KALRN: variants seen among roughly 807,000 people sequenced by gnomAD.
KALRN encodes the protein kalirin.
In KALRN, 70 loss-of-function variants were observed where a neutral mutation model predicts 353.7. The ratio of observed to expected loss-of-function variants is 0.20; its 90% CI spans 0.16 to 0.24. KALRN has a LOEUF of 0.24. KALRN is among the 10% of genes least tolerant of loss of function. The pLI is 1.00. For missense variants in KALRN, 2,791 were observed against 3,756.7 expected (o/e 0.74, Z 6.72); for synonymous variants, 1,391 against 1,434.8 (o/e 0.97, Z 0.69).
chr3:124,682,337 T>G (rs2061378536), intron 51 of KALRN, among the ~76,000 whole-genome samples: 1 of 152,178 alleles, frequency 6.6e-6, no homozygotes, highest in South Asian at 2.1e-4. Context: ...GGGCGTTGTC[T>G]CTCTGGGAAT....
chr3:124,473,689 AAC>A (rs1208383116), intron 25 of KALRN, among the ~76,000 whole-genome samples: 18 of 152,208 alleles, frequency 1.2e-4, no homozygotes, highest in Admixed American at 3.9e-4. Flanking sequence ...TGCTTGTATA[AAC>A]AGTGTCACAG....
At chr3:124,135,303 A>G (rs758724128) in intron 1 of KALRN, among the ~76,000 whole-genome samples, 7 of 152,190 alleles carry the variant, frequency 4.6e-5, no homozygotes, top group Non-Finnish European at 1.0e-4. Flanking sequence ...GTGTGTTCTC[A>G]CTGATATGTG....
intron 3 of KALRN, among the ~76,000 whole-genome samples, chr3:124,254,495 C>G (rs1358610753): frequency 6.8e-6 from 1 of 147,710 alleles, no homozygotes; most frequent in Admixed American, 6.7e-5. Flanking sequence ...AAACAAGATT[C>G]AAATCCTGAT....
rs2063330655 is a variant in KALRN at position 124,720,372 on chromosome 3, C to T, written c.*902C>T. The T allele has an allele frequency of 6.6e-6, 1 of 152,546 alleles. No homozygotes were observed. Among genetic ancestry groups the T allele is most frequent in the Non-Finnish European group, 1.5e-5 (1 of 68,002 alleles). The allele number at this position is 152,546 out of a possible 1,614,324, so 9.4% of individuals were successfully genotyped here. A position where few individuals can be genotyped will look rare whatever the true frequency, so the allele number is the denominator to read the frequency against. On this transcript the variant is annotated 3_prime_UTR_variant, in exon 60 of 60. Transcript: ENST00000682506. ...CTACACCAGGTTTGAAATAAGTAAA[C>T]AAATACAAGAGGTTCATATAAAAGG...
intron 6 of KALRN, among the ~76,000 whole-genome samples, chr3:124,306,978 C>T (rs963879248): frequency 2.0e-5 from 3 of 152,122 alleles, no homozygotes; most frequent in African/African-American, 2.4e-5. Flanking sequence ...CTAGCAGATA[C>T]ACCTTATAAG....
chr3:124,581,490 G>C (rs1033728169), intron 34 of KALRN, among the ~76,000 whole-genome samples: 3 of 152,076 alleles, frequency 2.0e-5, no homozygotes, highest in African/African-American at 7.2e-5. Context: ...TCTAAAGTAA[G>C]AGTTGGGTCT....
intron 13 of KALRN, among the ~76,000 whole-genome samples, chr3:124,408,009 G>A (rs1372401632): frequency 6.6e-6 from 1 of 152,030 alleles, no homozygotes; most frequent in African/African-American, 2.4e-5. Flanking sequence ...TCCTGACCTC[G>A]TGATCCGCCC....
chr3:124,219,870 C>T (rs1264104806), intron 1 of KALRN, among the ~76,000 whole-genome samples: 1 of 145,598 alleles, frequency 6.9e-6, no homozygotes, highest in Non-Finnish European at 1.5e-5. Flanking sequence ...GCTGCCCAGC[C>T]TCTCTCTCTC....
At chr3:124,592,019 G>C (rs1254767819) in intron 34 of KALRN, among the ~76,000 whole-genome samples, 2 of 152,184 alleles carry the variant, frequency 1.3e-5, no homozygotes, top group Non-Finnish European at 2.9e-5. Context: ...ACTGGCAAGA[G>C]TCTGGGCATA....
chr3:124,563,615 T>A (rs2109892450), intron 34 of KALRN, among the ~76,000 whole-genome samples: 1 of 152,354 alleles, frequency 6.6e-6, no homozygotes, highest in East Asian at 1.9e-4. Context: ...CTCCTTTATG[T>A]GCCTTCAACA....
intron 11 of KALRN, among the ~76,000 whole-genome samples, chr3:124,386,097 T>A (rs989036695): frequency 2.0e-5 from 3 of 152,212 alleles, no homozygotes; most frequent in South Asian, 2.1e-4. Flanking sequence ...GAGAAAAACA[T>A]GAAAAGATAG....
intron 25 of KALRN, among the ~76,000 whole-genome samples, chr3:124,465,514 TC>T (rs1553989559): frequency 6.6e-6 from 1 of 152,196 alleles, no homozygotes; most frequent in East Asian, 1.9e-4. Flanking sequence ...TATGATTTTT[TC>T]CCCATCACTA....
At chr3:124,623,425 C>CA (rs200947454) in intron 34 of KALRN, among the ~76,000 whole-genome samples, 3,230 of 147,608 alleles carry the variant, frequency 0.022, 39 homozygotes, top group Middle Eastern at 0.038. Context: ...CACACACACA[C>CA]ACAAAAGGGA....
rs72970990 is a variant in KALRN, at chr3:124,081,750, C to T, written c.73+47937C>T. Among the ~76,000 whole-genome samples the T allele has an allele frequency of 6.3e-3, 962 of 152,216 alleles. 6 individuals carry two copies. The highest frequency in any genetic ancestry group is 0.02 in the African/African-American group (845 of 41,528). On this transcript the variant is annotated intron_variant, in intron 1 of 59. Coordinates refer to ENST00000682506, the MANE Select transcript of KALRN (RefSeq NM_001388419.1). Reference sequence around the variant, plus strand: ...CCAGCCTGGGTGACAGAATGAGGCCCTGTCTCAGAAAAAACAAGCAAACAA... The same window carrying T: ...CCAGCCTGGGTGACAGAATGAGGCCTTGTCTCAGAAAAAACAAGCAAACAA...
chr3:124,553,054 C>G (rs1417776183), intron 33 of KALRN, among the ~76,000 whole-genome samples: 12 of 152,226 alleles, frequency 7.9e-5, no homozygotes, highest in Admixed American at 7.2e-4. Context: ...GCGTGAGCCA[C>G]CGCGCCCAGC....
At chr3:124,214,864 T>G (rs996172933) in intron 1 of KALRN, among the ~76,000 whole-genome samples, 19 of 152,116 alleles carry the variant, frequency 1.2e-4, no homozygotes, top group Non-Finnish European at 2.4e-4. Context: ...AGAAAAAGAC[T>G]CACAGGTCAC....
chr3:124,228,085 C>A (rs762020051), intron 2 of KALRN, 21 bp downstream of exon 2: 12 of 1,593,300 alleles, frequency 7.5e-6, no homozygotes, highest in South Asian at 1.1e-5. Flanking sequence ...GTGGGACTTT[C>A]TTTTGTAAAG....
chr3:124,180,184 G>A (rs755362839), intron 1 of KALRN, among the ~76,000 whole-genome samples: 4 of 152,066 alleles, frequency 2.6e-5, no homozygotes, highest in Non-Finnish European at 4.4e-5. Flanking sequence ...TTCCCCACTG[G>A]GGCTATTTTG....
In KALRN at chr3:124,724,406, C is replaced by G. The variant is rs759286379; in HGVS notation, c.*4936C>G. The G allele has an allele frequency of 6.6e-6, 1 of 152,098 alleles. No individual in the cohort carries two copies. The highest frequency in any genetic ancestry group is 1.5e-5 in the Non-Finnish European group (1 of 68,022). The allele number at this position is 152,098 out of a possible 1,614,324, so 9.4% of individuals were successfully genotyped here. On this transcript the variant is annotated 3_prime_UTR_variant, in exon 60 of 60. Transcript: ENST00000682506. Reference sequence around the variant, plus strand: ...GCACCTCTGTGGAGTCTGGGTTAGACAAATGCAATATGTGACCTTTCAGTG... The same window carrying G: ...GCACCTCTGTGGAGTCTGGGTTAGAGAAATGCAATATGTGACCTTTCAGTG...
Sources: gnomAD v4.1 joint callset for allele counts (sites outside exome capture counted in the v4.1 genomes callset) on GRCh38, gnomAD v4.1.1 for gene constraint, MANE v1.5 for transcripts, NCBI Gene and HGNC (gene_info 2026-07-23, HGNC 2026-07-21) for gene names.